NOX4: variants seen among roughly 807,000 people sequenced by gnomAD.
NOX4 encodes kidney oxidase-1.
Under a neutral mutation model 87.6 loss-of-function variants are expected in NOX4, and 69 were observed. The observed-to-expected ratio is 0.79, with a 90% CI of 0.65 to 0.96. The LOEUF (loss-of-function observed/expected upper bound fraction) is 0.96. Among genes scored for constraint, NOX4 ranks in the 40% least tolerant of loss-of-function variants. The pLI, the probability that NOX4 is intolerant of heterozygous loss-of-function variation, is 0.00. For missense variants in NOX4, 680 were observed against 681.5 expected (o/e 1.00, Z 0.02); for synonymous variants, 275 against 238.2 (o/e 1.15, Z -1.42).
rs367814549 is a variant in NOX4, at chr11:89,357,939, CACAT to C, written c.1136-2900_1136-2897del. 3.4e-3 allele frequency among the ~76,000 whole-genome samples: 520 copies of C among 151,946 alleles called. 2 individuals carry two copies. In the Middle Eastern group the frequency reaches 0.038, roughly 11 times the overall value. ...ACGTGTGTGTGCATACACACACACA[CACAT>C]ACAGCAAAAGCAGCAAAAAAGACAT... On this transcript the variant is annotated intron_variant, in intron 12 of 17. Transcript: ENST00000263317.
chr11:89,543,629 GCTGT>G, the NOX4 span, among the ~76,000 whole-genome samples: 1 of 151,966 alleles, frequency 6.6e-6, no homozygotes, highest in Non-Finnish European at 1.5e-5. Context: ...AGTCGAGGAC[GCTGT>G]CTAAAATTGA....
chr11:89,394,139 G>C (rs754138174), intron 11 of NOX4, among the ~76,000 whole-genome samples: 12 of 152,110 alleles, frequency 7.9e-5, no homozygotes, highest in Non-Finnish European at 1.5e-4. Context: ...CTTGTGAAAA[G>C]GGCCTAGGCC....
upstream of NOX4, among the ~76,000 whole-genome samples, chr11:89,498,479 G>C (rs1591386493): frequency 6.6e-6 from 1 of 152,124 alleles, no homozygotes; most frequent in Non-Finnish European, 1.5e-5. Flanking sequence ...GTTCACCGAA[G>C]TATGTTGACT....
At chr11:89,557,924 A>T in the NOX4 span, among the ~76,000 whole-genome samples, 1 of 152,136 alleles carries the variant, frequency 6.6e-6, no homozygotes, top group Admixed American at 6.6e-5. Flanking sequence ...GGGAGACAGG[A>T]AAGAGAAGAA....
At chr11:89,337,711 T>C (rs1467356264) in intron 15 of NOX4, among the ~76,000 whole-genome samples, 196 bp from the exon 16 acceptor site, 1 of 152,104 alleles carries the variant, frequency 6.6e-6, no homozygotes, top group African/African-American at 2.4e-5. Flanking sequence ...TAATCTGGCC[T>C]CTTGGTATTA....
chr11:89,405,303 C>T (rs1410560257), intron 8 of NOX4, among the ~76,000 whole-genome samples: 1 of 152,000 alleles, frequency 6.6e-6, no homozygotes, highest in African/African-American at 2.4e-5. Context: ...CTGTTCTTGG[C>T]ACATAAAGTG....
At chr11:89,442,594 G>T (rs898496225) in intron 5 of NOX4, among the ~76,000 whole-genome samples, 2 of 151,998 alleles carry the variant, frequency 1.3e-5, no homozygotes, top group Admixed American at 1.3e-4. Flanking sequence ...CAAGTAAATC[G>T]CCAAGGAATA....
At chr11:89,377,012 C>A (rs1438680013) in intron 11 of NOX4, among the ~76,000 whole-genome samples, 2 of 152,126 alleles carry the variant, frequency 1.3e-5, no homozygotes, top group Non-Finnish European at 2.9e-5. Flanking sequence ...GAGCTGAGAT[C>A]GCACCACTGC....
At chr11:89,426,979 G>A (rs951294400) in intron 7 of NOX4, among the ~76,000 whole-genome samples, 2 of 152,026 alleles carry the variant, frequency 1.3e-5, no homozygotes, top group Non-Finnish European at 2.9e-5. Flanking sequence ...CCCCAGTAGG[G>A]GCAGACTGAC....
upstream of NOX4, among the ~76,000 whole-genome samples, chr11:89,502,199 C>T (rs1382221645): frequency 2.0e-5 from 3 of 152,004 alleles, no homozygotes; most frequent in African/African-American, 7.2e-5. Flanking sequence ...AACTGACAGA[C>T]TGATACCTAT....
At chr11:89,544,643 A>C in the NOX4 span, among the ~76,000 whole-genome samples, 1 of 152,164 alleles carries the variant, frequency 6.6e-6, no homozygotes, top group Non-Finnish European at 1.5e-5. Flanking sequence ...GTTTTAGAAA[A>C]GATGAATCTT....
chr11:89,515,592 T>G, the NOX4 span, among the ~76,000 whole-genome samples: 1 of 151,984 alleles, frequency 6.6e-6, no homozygotes, highest in South Asian at 2.1e-4. Context: ...AATTAATATA[T>G]TTAATAGTTA....
chr11:89,382,515 C>G (rs1189897215), intron 11 of NOX4, among the ~76,000 whole-genome samples: 1 of 152,002 alleles, frequency 6.6e-6, no homozygotes, highest in Non-Finnish European at 1.5e-5. Context: ...GTTCCCAATG[C>G]GACTCATCCC....
chr11:89,384,498 T>G (rs2135108770), intron 11 of NOX4, among the ~76,000 whole-genome samples: 1 of 152,204 alleles, frequency 6.6e-6, no homozygotes, highest in East Asian at 1.9e-4. Context: ...CCCAACCACT[T>G]CTACAAAACA....
chr11:89,371,369 A>G (rs1434638450), intron 12 of NOX4, among the ~76,000 whole-genome samples: 9 of 152,002 alleles, frequency 5.9e-5, no homozygotes, highest in South Asian at 2.1e-4. Flanking sequence ...GACATAATAC[A>G]TTAAAAAGGG....
At chr11:89,405,576 A>G (rs910198277) in intron 8 of NOX4, among the ~76,000 whole-genome samples, 4 of 151,858 alleles carry the variant, frequency 2.6e-5, no homozygotes, top group African/African-American at 9.7e-5. Context: ...CTTGCCACCA[A>G]AGAAATATGG....
intron 2 of NOX4, among the ~76,000 whole-genome samples, chr11:89,471,462 T>A (rs1204427490): frequency 6.6e-6 from 1 of 152,160 alleles, no homozygotes; most frequent in Admixed American, 6.5e-5. Flanking sequence ...TTCAAAGCTA[T>A]GGTAAGCATA....
the NOX4 span, among the ~76,000 whole-genome samples, chr11:89,527,966 A>G: frequency 6.7e-5 from 9 of 135,314 alleles, no homozygotes; most frequent in South Asian, 2.3e-4. Flanking sequence ...CAGGCACTCA[A>G]TGGCAGCCTG....
intron 8 of NOX4, among the ~76,000 whole-genome samples, chr11:89,412,029 T>A (rs1942508605): frequency 1.3e-5 from 2 of 151,862 alleles, no homozygotes. Flanking sequence ...ATACTTAATA[T>A]CAGACAAAAT....
Sources: allele counts gnomAD v4.1 joint callset (sites outside exome capture counted in the v4.1 genomes callset), GRCh38; gene constraint gnomAD v4.1.1; transcripts MANE v1.5; gene names NCBI Gene and HGNC (gene_info 2026-07-23, HGNC 2026-07-21).